Variants in EFR3A observed in about 807,000 individuals in gnomAD.
EFR3A encodes EFR3 homolog A, also known as protein EFR3 homolog A.
A neutral mutation model predicts 104.4 loss-of-function variants in EFR3A; 76 were observed. The ratio of observed to expected loss-of-function variants is 0.73; its 90% CI spans 0.60 to 0.88. The LOEUF (loss-of-function observed/expected upper bound fraction) is 0.88, where lower values mean the gene tolerates loss of function less well. Ranked by LOEUF, EFR3A falls within the 40% of genes least tolerant of loss-of-function variation. EFR3A has a pLI of 0.00. For synonymous variants in EFR3A, 330 were observed against 330.0 expected, an observed-to-expected ratio of 1.00 and a Z score of 0.00; for missense variants, 985 against 1,012.5, an observed-to-expected ratio of 0.97 and a Z score of 0.37.
In EFR3A at chr8:131,984,962, A is replaced by G. The variant is rs143368764; in HGVS notation, c.1771A>G (p.Met591Val). Reference sequence around the variant, plus strand: ...AATTATCAATGAGGATAATTTGCCAATGTTCCATCGTTGTGGAATCATGGC... The same window carrying G: ...AATTATCAATGAGGATAATTTGCCAGTGTTCCATCGTTGTGGAATCATGGC... ...SAIINEDNLP[M>V]FHRCGIMALV... The change falls in exon 16 of 23, where the codon ATG (methionine) becomes GTG (valine). Residue 591 changes from methionine to valine, a missense_variant. Transcript: ENST00000254624. The G allele has an allele frequency of 1.4e-5, 22 of 1,613,552 alleles. No individual in the cohort carries two copies. The highest frequency in any genetic ancestry group is 4.5e-5 in the East Asian group (2 of 44,868).
chr8:131,989,829 T>TG (rs1021063292), intron 18 of EFR3A, among the ~76,000 whole-genome samples: 1 of 152,228 alleles, frequency 6.6e-6, no homozygotes, highest in African/African-American at 2.4e-5. Flanking sequence ...GAAAGAATGA[T>TG]GATCTACCTA....
At chr8:131,966,381 A>G (rs1819740248) in intron 8 of EFR3A, among the ~76,000 whole-genome samples, 1 of 152,152 alleles carries the variant, frequency 6.6e-6, no homozygotes, top group Non-Finnish European at 1.5e-5. Context: ...GAAGAGTGCC[A>G]GTGCTTCTGG....
chr8:131,925,217 T>G (rs888976410), intron 1 of EFR3A, among the ~76,000 whole-genome samples: 23 of 152,142 alleles, frequency 1.5e-4, no homozygotes, highest in African/African-American at 5.6e-4. Flanking sequence ...GAGTAATATC[T>G]GATATTTTAA....
chr8:131,938,818 C>T (rs566023484), intron 1 of EFR3A, among the ~76,000 whole-genome samples: 1 of 152,206 alleles, frequency 6.6e-6, no homozygotes, highest in African/African-American at 2.4e-5. Flanking sequence ...CAAAATTGGC[C>T]TCTCTAAGCT....
chr8:131,938,162 G>C (rs4400359), intron 1 of EFR3A: 338,047 of 395,828 alleles, frequency 0.85, 144,775 homozygotes, highest in East Asian at 0.96. Context: ...CTAGGCACTT[G>C]CTGAACAGTA....
chr8:131,975,773 G>T (rs1378828488), intron 10 of EFR3A, among the ~76,000 whole-genome samples: 1 of 151,856 alleles, frequency 6.6e-6, no homozygotes, highest in Non-Finnish European at 1.5e-5. Flanking sequence ...GTTTGTCACT[G>T]TTATAATTAT....
intron 1 of EFR3A, among the ~76,000 whole-genome samples, chr8:131,909,331 G>A (rs1299777171): frequency 2.0e-5 from 3 of 152,194 alleles, no homozygotes; most frequent in Admixed American, 6.5e-5. Context: ...AGAGAGGATC[G>A]CTTTTGGCTG....
At chr8:131,955,269 C>T (rs1818919453) in intron 6 of EFR3A, among the ~76,000 whole-genome samples, 1 of 152,062 alleles carries the variant, frequency 6.6e-6, no homozygotes, top group African/African-American at 2.4e-5. Flanking sequence ...AATTCATTAG[C>T]CTAAAATAAT....
intron 22 of EFR3A, among the ~76,000 whole-genome samples, chr8:132,005,806 G>GC (rs1822013261): frequency 2.6e-5 from 4 of 152,044 alleles, no homozygotes; most frequent in African/African-American, 9.7e-5. Context: ...GGCAAATACA[G>GC]AATATAGATT....
At chr8:132,008,678 G>A (rs913276019) in intron 22 of EFR3A, among the ~76,000 whole-genome samples, 5 of 151,676 alleles carry the variant, frequency 3.3e-5, no homozygotes, top group African/African-American at 1.2e-4. Flanking sequence ...GTGGATGTAT[G>A]TGTATGGGTA....
At chr8:131,960,572 A>G (rs1016686589) in intron 8 of EFR3A, among the ~76,000 whole-genome samples, 3 of 152,198 alleles carry the variant, frequency 2.0e-5, no homozygotes, top group African/African-American at 7.2e-5. Flanking sequence ...TCATTGTACA[A>G]TTAAAACTTT....
At chr8:131,911,731 A>G (rs571484563) in intron 1 of EFR3A, among the ~76,000 whole-genome samples, 1 of 152,376 alleles carries the variant, frequency 6.6e-6, no homozygotes, top group Non-Finnish European at 1.5e-5. Flanking sequence ...TGGACATTAT[A>G]TAGAAATATT....
chr8:131,985,037 G>A lies in EFR3A; in HGVS notation c.1846G>A (p.Ala616Thr), dbSNP rs745684201. Residue 616 changes from alanine to threonine, a missense_variant, in exon 16 of 23, where the codon GCA becomes ACA. By Grantham distance (58) the Ala-to-Thr change is moderately conservative. Coordinates refer to ENST00000254624, the MANE Select transcript of EFR3A (RefSeq NM_015137.6). The part of the protein sequence containing the change: ...NFVSQMIAVP[A>T]FCQHVSKVIE... ...TGTAAGTCAGATGATAGCTGTCCCT[G>A]CATTTTGCCAGCATGTTAGCAAGGT... is the stretch of plus-strand genomic sequence containing the variant. 23 of 1,613,242 alleles carry A rather than the reference G, an allele frequency of 1.4e-5. No individual in the cohort carries two copies. The highest frequency in any genetic ancestry group is 6.6e-5 in the South Asian group (6 of 91,036).
chr8:131,949,899 A>G, intron 4 of EFR3A, 70 bp from the exon 5 acceptor site: 1 of 1,321,332 alleles, frequency 7.6e-7, no homozygotes, highest in African/African-American at 1.5e-5. Flanking sequence ...ATGACAGTGT[A>G]TGAAATTAAA....
At chr8:131,917,494 A>G (rs185928690) in intron 1 of EFR3A, among the ~76,000 whole-genome samples, 66 of 152,358 alleles carry the variant, frequency 4.3e-4, no homozygotes, top group Admixed American at 1.3e-3. Context: ...GGAAGATTAG[A>G]GAGGGTTGAG....
chr8:131,962,626 C>A (rs1318390942), intron 8 of EFR3A, among the ~76,000 whole-genome samples: 2 of 152,120 alleles, frequency 1.3e-5, no homozygotes, highest in African/African-American at 2.4e-5. Context: ...TTTAACACCC[C>A]ACTGTCAACA....
intron 16 of EFR3A, among the ~76,000 whole-genome samples, chr8:131,985,265 G>A (rs1820817991): frequency 6.6e-6 from 1 of 152,122 alleles, no homozygotes; most frequent in Non-Finnish European, 1.5e-5. Flanking sequence ...TATTATAATA[G>A]TTTAATGTAG....
chr8:132,003,525 A>G (rs755577231), intron 22 of EFR3A, among the ~76,000 whole-genome samples: 17 of 152,104 alleles, frequency 1.1e-4, no homozygotes, highest in Non-Finnish European at 1.6e-4. Flanking sequence ...TTTTTAGATT[A>G]TTCATTCCTT....
At chr8:131,965,049 T>A (rs947107787) in intron 8 of EFR3A, among the ~76,000 whole-genome samples, 1 of 152,152 alleles carries the variant, frequency 6.6e-6, no homozygotes, top group African/African-American at 2.4e-5. Context: ...TCCTTACACC[T>A]TATACAAAAA....
Sources: gnomAD v4.1 joint callset for allele counts (sites outside exome capture counted in the v4.1 genomes callset) on GRCh38, gnomAD v4.1.1 for gene constraint, MANE v1.5 for transcripts, NCBI Gene and HGNC (gene_info 2026-07-23, HGNC 2026-07-21) for gene names.